The following GRID2IP variants were observed in gnomAD, a reference collection of about 807,000 sequenced individuals.
The protein encoded by GRID2IP is delphilin.
A neutral mutation model predicts 114.3 loss-of-function variants in GRID2IP; 78 were observed. The ratio of observed to expected loss-of-function variants is 0.68; its 90% CI spans 0.57 to 0.82. GRID2IP has a LOEUF of 0.82. GRID2IP is among the 40% of genes least tolerant of loss of function. The pLI, the probability that GRID2IP is intolerant of heterozygous loss-of-function variation, is 0.00. For missense variants in GRID2IP, 1,727 were observed against 1,678.5 expected (o/e 1.03, Z -0.51); for synonymous variants, 809 against 724.0 (o/e 1.12, Z -1.89).
intron 8 of GRID2IP, among the ~76,000 whole-genome samples, chr7:6,511,917 CTCTT>C (rs1255882013): frequency 1.3e-5 from 2 of 151,030 alleles, no homozygotes; most frequent in South Asian, 2.1e-4. Flanking sequence ...CTCTCTTTCT[CTCTT>C]TATTTATTCA....
chr7:6,549,927 C>T (rs1398410839), intron 1 of GRID2IP, among the ~76,000 whole-genome samples: 1 of 151,844 alleles, frequency 6.6e-6, no homozygotes, highest in Non-Finnish European at 1.5e-5. Flanking sequence ...CACCTCACCC[C>T]ACTGGCTCTT....
rs895091600 is a variant in GRID2IP at position 6,497,747 on chromosome 7, G to A, written c.*27C>T. 3.3e-6 allele frequency: 5 copies of A among 1,530,630 alleles called. No individual in the cohort carries two copies. The highest frequency in any genetic ancestry group is 4.4e-6 in the Non-Finnish European group (5 of 1,131,136). The allele number at this position is 1,530,630 out of a possible 1,614,324, so 94.8% of individuals were successfully genotyped here. A position where few individuals can be genotyped will look rare whatever the true frequency, so the allele number is the denominator to read the frequency against. On this transcript the variant is annotated 3_prime_UTR_variant, in exon 22 of 22. Transcript: ENST00000457091. ...TCTCGGCCTCCATCTCCCTGCTCAGGCCGCAGAGGACGCGGTGTGGCCACT... is the reference window on the plus strand; with the variant it reads ...TCTCGGCCTCCATCTCCCTGCTCAGACCGCAGAGGACGCGGTGTGGCCACT...
At position 6,502,100 on chromosome 7, in the gene GRID2IP, C is replaced by A. The variant is rs568188917; in HGVS notation, c.3169G>T (p.Val1057Leu). The change falls in exon 19 of 22, where the codon GTG (valine) becomes TTG (leucine). Residue 1057 changes from valine (V) to leucine (L), a missense_variant. Transcript: ENST00000457091. ...FLTELNSTKT[V>L]DGKSTFLHIL... ...TGCAGGAAGGTGGACTTCCCATCCA[C>A]TGTCTTGGTGGAGTTCAGCTGCAAG... 7 of 1,551,484 alleles carry A rather than the reference C, an allele frequency of 4.5e-6. No individual in the cohort carries two copies. The African/African-American group carries it at 9.6e-5, about 21-fold the overall frequency.
chr7:6,547,695 T>A (rs959863599), intron 1 of GRID2IP, among the ~76,000 whole-genome samples: 7 of 152,112 alleles, frequency 4.6e-5, no homozygotes, highest in Non-Finnish European at 8.8e-5. Flanking sequence ...TGCGAGTGTG[T>A]GTATCTGGCC....
Position 6,520,758 on chromosome 7 carries a change from G to A in GRID2IP, c.1088C>T (p.Ser363Phe). The change falls in exon 7 of 22, where the codon TCC becomes TTC. Residue 363 changes from serine to phenylalanine, a missense_variant. By Grantham distance (155) the Ser-to-Phe change is radical. Coordinates refer to ENST00000457091, the MANE Select transcript of GRID2IP (RefSeq NM_001145118.2). This position sits in a 1 kb window ranked among gnomAD's most constrained non-coding sequence, Gnocchi z 4.6. ...EEGLVPFASD[S>F]DSLDSPNPSS... is the part of the protein sequence containing the mutation. ...CGGGTTGGGTGAGTCCAGAGAATCG[G>A]AGTCTGCTGGGACCACAGGCGGGAG... The A allele has an allele frequency of 6.5e-7, 1 of 1,549,944 alleles. No homozygotes were observed. Among genetic ancestry groups the A allele is most frequent in the South Asian group, 1.2e-5 (1 of 84,002 alleles).
rs893476346 is a variant in GRID2IP at position 6,503,101 on chromosome 7, C to T, written c.2970G>A (p.Gln990=). 5.8e-6 allele frequency: 9 copies of T among 1,550,814 alleles called. No homozygotes were observed. The highest frequency in any genetic ancestry group is 4.8e-5 in the South Asian group (4 of 84,030). Residue 990 remains glutamine, a synonymous_variant, in exon 17 of 22, where the codon CAG becomes CAA. Coordinates refer to ENST00000457091, the MANE Select transcript of GRID2IP (RefSeq NM_001145118.2). Reference sequence around the variant, plus strand: ...TGCCTCGGATCTCCTCTGTCTTCTCCTGGAGGGTGGCCTGGAAGTGGAGGC... The same window carrying T: ...TGCCTCGGATCTCCTCTGTCTTCTCTTGGAGGGTGGCCTGGAAGTGGAGGC... ...LRSLHFQATL[Q]EKTEEIRGSL...
At position 6,548,059 on chromosome 7, in the gene GRID2IP, A is replaced by G. The variant is rs1779913576; in HGVS notation, c.429+2949T>C. Among the ~76,000 whole-genome samples the G allele has an allele frequency of 2.0e-5, 3 of 152,186 alleles. No individual in the cohort carries two copies. In the South Asian group the frequency reaches 6.2e-4, roughly 32 times the overall value. ...CAATAATAACTTAATTGTCCATTTTAAAATAACTTAGGCCAGGTGCAGTAG... is the reference window on the plus strand; with the variant it reads ...CAATAATAACTTAATTGTCCATTTTGAAATAACTTAGGCCAGGTGCAGTAG... On this transcript the variant is annotated intron_variant, in intron 1 of 21. Coordinates refer to ENST00000457091, the MANE Select transcript of GRID2IP (RefSeq NM_001145118.2).
Position 6,528,455 on chromosome 7 carries a change from C to T in GRID2IP, c.585-1686G>A, listed in dbSNP as rs974021459. On this transcript the variant is annotated intron_variant, in intron 2 of 21. Coordinates refer to ENST00000457091, the MANE Select transcript of GRID2IP (RefSeq NM_001145118.2). The surrounding 1 kb of genome is among the most constrained non-coding windows in gnomAD (Gnocchi z 6.0). ...GCTGGCATCAGAGAACAGACTTCAG[C>T]GCTCAGCACTGTGGCAGGACCTCTA... Among the ~76,000 whole-genome samples, 18 of 152,164 alleles carry T rather than the reference C, an allele frequency of 1.2e-4. No homozygotes were observed. Among genetic ancestry groups the T allele is most frequent in the African/African-American group, 4.1e-4 (17 of 41,458 alleles).
intron 7 of GRID2IP, among the ~76,000 whole-genome samples, chr7:6,517,776 G>A (rs1228538643): frequency 2.6e-5 from 4 of 151,720 alleles, no homozygotes; most frequent in African/African-American, 7.3e-5. Flanking sequence ...GGTGGTGGGC[G>A]CCTGTAATCC....
chr7:6,499,347 G>A (rs1786348886), intron 20 of GRID2IP, among the ~76,000 whole-genome samples: 1 of 152,202 alleles, frequency 6.6e-6, no homozygotes, highest in South Asian at 2.1e-4. Flanking sequence ...TAGTCCCACA[G>A]CAGGTAAGGA....
At position 6,523,624 on chromosome 7, in the gene GRID2IP, A is replaced by G. The variant is rs374812323; in HGVS notation, c.920-1667T>C. 6.6e-6 allele frequency among the ~76,000 whole-genome samples: 1 copy of G among 152,050 alleles called. No homozygotes were observed. The highest frequency in any genetic ancestry group is 1.9e-4 in the East Asian group (1 of 5,184). On this transcript the variant is annotated intron_variant, in intron 4 of 21. Coordinates refer to ENST00000457091, the MANE Select transcript of GRID2IP (RefSeq NM_001145118.2). The surrounding 1 kb of genome is among the most constrained non-coding windows in gnomAD (Gnocchi z 4.5). ...TGCTCTGTCACCCAGGCTGGAGTGCAGTGGCATGATCATAGCTCACTACAG... is the reference window on the plus strand; with the variant it reads ...TGCTCTGTCACCCAGGCTGGAGTGCGGTGGCATGATCATAGCTCACTACAG...
chr7:6,515,879 A>C (rs1445894245), intron 7 of GRID2IP, among the ~76,000 whole-genome samples: 1 of 152,038 alleles, frequency 6.6e-6, no homozygotes, highest in Non-Finnish European at 1.5e-5. Flanking sequence ...TGGGTGGATC[A>C]CGAGCTCAGG....
At chr7:6,527,091 C>T (rs1051688532) in intron 2 of GRID2IP, among the ~76,000 whole-genome samples, 2 of 152,094 alleles carry the variant, frequency 1.3e-5, no homozygotes, top group African/African-American at 4.8e-5. Flanking sequence ...CCTCCTCCTG[C>T]CTCTGTCCTC....
At position 6,505,860 on chromosome 7, in the gene GRID2IP, G is replaced by T; in HGVS notation, c.2592C>A (p.Tyr864Ter). Residue 864 changes from tyrosine (Y) to a stop codon, truncating the protein, a stop_gained, in exon 14 of 22, where the codon TAC (tyrosine) becomes TAA (stop). Transcript: ENST00000457091. LOFTEE classifies it high-confidence loss of function. ...TGCCGAAGTGGAGCTCCAGGTCGAG[G>T]TATTTCACCATGTCACTCAGCTTAT... ...DYDKLSDMVKYLDLELHFGTQ... is the reference protein window; with the variant it reads ...DYDKLSDMVK The T allele has an allele frequency of 6.4e-7, 1 of 1,552,132 alleles. No homozygotes were observed. The highest frequency in any genetic ancestry group is 8.7e-7 in the Non-Finnish European group (1 of 1,147,040).
At chr7:6,512,365 G>A (rs532578455) in intron 8 of GRID2IP, among the ~76,000 whole-genome samples, 2 of 150,354 alleles carry the variant, frequency 1.3e-5, no homozygotes, top group African/African-American at 2.4e-5. Context: ...GGGATTACAG[G>A]TGTGTGCCAC....
Position 6,498,145 on chromosome 7 carries a change from C to G in GRID2IP, c.3483G>C (p.Leu1161=). The change falls in exon 21 of 22, where the codon CTG becomes CTC. Residue 1161 remains leucine (L), a synonymous_variant. Transcript: ENST00000457091. ...REAMEELGKA[L]AFFGEDSKAT... is the part of the protein sequence containing the mutation. ...CCTTGGAATCCTCCCCAAAGAAGGC[C>G]AGCGCCTTGCCCAGCTCCTCCATGG... The G allele has an allele frequency of 6.4e-7, 1 of 1,551,658 alleles. No individual in the cohort carries two copies. Among genetic ancestry groups the G allele is most frequent in the African/African-American group, 1.4e-5 (1 of 73,192 alleles).
chr7:6,522,834 T>TGTGTGTGTGTG (rs56059022), intron 4 of GRID2IP, among the ~76,000 whole-genome samples: 1 of 147,120 alleles, frequency 6.8e-6, no homozygotes, highest in Non-Finnish European at 1.5e-5. Context: ...TGTGTGTGTG[T>TGTGTGTGTGTG]TAGCGTGTGT....
At chr7:6,530,645 C>G (rs1310784801) in intron 2 of GRID2IP, among the ~76,000 whole-genome samples, 1 of 152,144 alleles carries the variant, frequency 6.6e-6, no homozygotes, top group Non-Finnish European at 1.5e-5. Flanking sequence ...CAAGGGTTCC[C>G]TGGTTCAGTA....
In GRID2IP at chr7:6,504,853, C is replaced by T. The variant is rs920201178; in HGVS notation, c.2650G>A (p.Glu884Lys). ...QKPAKPVPGP[E>K]PFRKKEVVEI... ...ACCACCTCCTTCTTCCGGAAGGGCTCCGGCCCCGGCACCGGTTCTGGAAAA... is the reference window on the plus strand; with the variant it reads ...ACCACCTCCTTCTTCCGGAAGGGCTTCGGCCCCGGCACCGGTTCTGGAAAA... Residue 884 changes from glutamate (E) to lysine (K), a missense_variant, in exon 15 of 22, where the codon GAG becomes AAG. Transcript: ENST00000457091. The T allele has an allele frequency of 6.4e-7, 1 of 1,551,356 alleles. No homozygotes were observed. The highest frequency in any genetic ancestry group is 2.4e-5 in the East Asian group (1 of 40,926).
Sources: gnomAD v4.1 joint callset for allele counts (sites outside exome capture counted in the v4.1 genomes callset) on GRCh38, gnomAD v4.1.1 for gene constraint, Gnocchi (gnomAD v3.1) non-coding constraint, MANE v1.5 for transcripts, NCBI Gene and HGNC (gene_info 2026-07-23, HGNC 2026-07-21) for gene names.